DNAH5: variants seen among roughly 807,000 people sequenced by gnomAD.
The protein encoded by DNAH5 is axonemal beta dynein heavy chain 5.
A neutral mutation model predicts 518.2 loss-of-function variants in DNAH5; 372 were observed. The ratio of observed to expected loss-of-function variants is 0.72; its 90% CI spans 0.66 to 0.78. DNAH5 has a LOEUF of 0.78. DNAH5 is among the 30% of genes least tolerant of loss of function. The pLI is 0.00. For synonymous variants in DNAH5, 2,039 were observed against 2,025.9 expected, an observed-to-expected ratio of 1.01 and a Z score of -0.17; for missense variants, 5,523 against 5,687.0, an observed-to-expected ratio of 0.97 and a Z score of 0.93.
At chr5:14,005,020 A>C (rs972851897) in intron 1 of DNAH5, among the ~76,000 whole-genome samples, 2 of 152,012 alleles carry the variant, frequency 1.3e-5, no homozygotes, top group African/African-American at 4.8e-5. Context: ...ATAAGTCCCA[A>C]AACTCAGCAC....
intron 41 of DNAH5, 83 bp from the exon 42 acceptor site, chr5:13,817,777 A>C (rs1404046875): frequency 1.5e-6 from 2 of 1,343,736 alleles, no homozygotes; most frequent in African/African-American, 2.9e-5. Flanking sequence ...TTTGTGGTGT[A>C]CTGTCAGCAG....
intron 12 of DNAH5, among the ~76,000 whole-genome samples, chr5:13,907,935 A>T (rs1360618291): frequency 1.3e-5 from 2 of 152,218 alleles, no homozygotes; most frequent in African/African-American, 4.8e-5. Flanking sequence ...GATATGCGAT[A>T]AGAATTAGTA....
At position 13,722,358 on chromosome 5, in the gene DNAH5, C is replaced by G. The variant is rs906458717; in HGVS notation, c.12034-1113G>C. On this transcript the variant is annotated intron_variant, in intron 70 of 78. Transcript: ENST00000265104. ...CGATATCTTGCTATCCCCTATTCATCCTCAAAATGTACCCCAAGCATCTGA... is the reference window on the plus strand; with the variant it reads ...CGATATCTTGCTATCCCCTATTCATGCTCAAAATGTACCCCAAGCATCTGA... Among the ~76,000 whole-genome samples, 3 of 152,356 alleles carry G rather than the reference C, an allele frequency of 2.0e-5. No homozygotes were observed. The East Asian group carries it at 5.8e-4, about 29-fold the overall frequency.
In DNAH5 at chr5:13,752,132, A is replaced by C. The variant is rs773447251; in HGVS notation, c.11028+2T>G. Reference sequence around the variant, plus strand: ...ACATTGTCATCCATAGGTTTAACCTACCTTAAAGGTAGACCCAGTTTTAAT... The same window carrying C: ...ACATTGTCATCCATAGGTTTAACCTCCCTTAAAGGTAGACCCAGTTTTAAT... On this transcript the variant is annotated splice_donor_variant, in intron 64 of 78. Transcript: ENST00000265104. LOFTEE classifies it high-confidence loss of function. 1 of 1,613,860 alleles carries C rather than the reference A, an allele frequency of 6.2e-7. No individual in the cohort carries two copies. The highest frequency in any genetic ancestry group is 1.1e-5 in the South Asian group (1 of 91,076).
chr5:13,871,602 G>C lies in DNAH5; in HGVS notation c.3560C>G (p.Pro1187Arg), dbSNP rs1415125422. 11 of 1,613,620 alleles carry C rather than the reference G, an allele frequency of 6.8e-6. No individual in the cohort carries two copies. Among genetic ancestry groups the C allele is most frequent in the Middle Eastern group, 3.3e-4 (2 of 6,060 alleles). The stretch of plus-strand genomic sequence containing the variant: ...AATGGAACCCACACAGACATATTCA[G>C]GCTCAGCATTAATTTCCTGCTCTAG... ...QNLEQEINAE[P>R]EYVCVGSIAL... is the part of the protein sequence containing the mutation. The change falls in exon 23 of 79, where the codon CCT (proline) becomes CGT (arginine). Residue 1187 changes from proline (P) to arginine (R), a missense_variant. By Grantham distance (103) the Pro-to-Arg change is moderately radical. Around this residue, in one of 3 missense-constraint regions of DNAH5, gnomAD observed 5,121 missense variants for 5,223.3 expected, o/e 0.98. Coordinates refer to ENST00000265104, the MANE Select transcript of DNAH5 (RefSeq NM_001369.3).
rs761817115 is a variant in DNAH5 at position 13,776,696 on chromosome 5, A to G, written c.9116T>C (p.Leu3039Pro). The change falls in exon 55 of 79, where the codon CTA becomes CCA. Residue 3039 changes from leucine to proline, a missense_variant. Leu to Pro is a moderately conservative substitution (Grantham distance 98, BLOSUM62 -3). Coordinates refer to ENST00000265104, the MANE Select transcript of DNAH5 (RefSeq NM_001369.3). ...NVLSSGEVSN[L>P]FARDEIDEIN... is the part of the protein sequence containing the mutation. ...TTCATCAATTTCATCTCGAGCAAAT[A>G]GGTTAGAGACCTTAAAAAGAAGTAC... The G allele has an allele frequency of 1.9e-6, 3 of 1,613,678 alleles. No homozygotes were observed. Among genetic ancestry groups the G allele is most frequent in the Non-Finnish European group, 2.5e-6 (3 of 1,179,760 alleles).
At chr5:13,761,346 C>A (rs1034848815) in intron 60 of DNAH5, among the ~76,000 whole-genome samples, 2 of 152,192 alleles carry the variant, frequency 1.3e-5, no homozygotes, top group African/African-American at 2.4e-5. Flanking sequence ...GTAATCACAG[C>A]ACTTTGGGAG....
In DNAH5 at chr5:13,780,826, C is replaced by A; in HGVS notation, c.8951+3G>T. 1 of 1,613,438 alleles carries A rather than the reference C, an allele frequency of 6.2e-7. No individual in the cohort carries two copies. Among genetic ancestry groups the A allele is most frequent in the South Asian group, 1.1e-5 (1 of 91,034 alleles). ...TAGGTTTGTTAAAGTAAAAGGTTGT[C>A]ACCTCGTCAGAGTGATCTGGAAGGA... On this transcript the variant is annotated splice_donor_region_variant and intron_variant, in intron 53 of 78. Coordinates refer to ENST00000265104, the MANE Select transcript of DNAH5 (RefSeq NM_001369.3).
chr5:13,944,643 A>G lies in DNAH5; in HGVS notation c.-205T>C. The G allele has an allele frequency of 1.7e-6, 1 of 598,248 alleles. No individual in the cohort carries two copies. The highest frequency in any genetic ancestry group is 2.9e-5 in the East Asian group (1 of 34,470). 37.1% of individuals were successfully genotyped at this position (598,248 alleles called of 1,614,324 possible). ...TATACCACTCAAGTTTTTCTCCTAG[A>G]GTGTCTGCCCTGGGCCTCTCCTCTC... On this transcript the variant is annotated 5_prime_UTR_variant, in exon 1 of 79. Coordinates refer to ENST00000265104, the MANE Select transcript of DNAH5 (RefSeq NM_001369.3).
chr5:13,835,198 T>A (rs1225685050), intron 35 of DNAH5, among the ~76,000 whole-genome samples: 1 of 151,452 alleles, frequency 6.6e-6, no homozygotes, highest in Admixed American at 6.6e-5. Context: ...GGCAGGAGAA[T>A]CACTTGAACC....
rs1224799818 is a variant in DNAH5 at position 13,727,577 on chromosome 5, T to C, written c.11963A>G (p.Asp3988Gly). ...PEEEPLPNAYDKSLDCFRRLL... is the reference protein window; with the variant it reads ...PEEEPLPNAYGKSLDCFRRLL... ...ACGTCTGAAGCAGTCAAGAGATTTA[T>C]CATAGGCATTTGGAAGAGGTTCCTC... The change falls in exon 70 of 79, where the codon GAT becomes GGT. Residue 3988 changes from aspartate (D) to glycine (G), a missense_variant. Asp to Gly is a moderately conservative substitution (Grantham distance 94, BLOSUM62 -1). Transcript: ENST00000265104. 4.3e-6 allele frequency: 7 copies of C among 1,613,846 alleles called. No homozygotes were observed. The highest frequency in any genetic ancestry group is 5.1e-6 in the Non-Finnish European group (6 of 1,179,864).
In DNAH5 at chr5:13,830,120, A is replaced by G; in HGVS notation, c.6155T>C (p.Ile2052Thr). 1 of 1,614,078 alleles carries G rather than the reference A, an allele frequency of 6.2e-7. No homozygotes were observed. Among genetic ancestry groups the G allele is most frequent in the Non-Finnish European group, 8.5e-7 (1 of 1,179,902 alleles). The change falls in exon 37 of 79, where the codon ATT becomes ACT. Residue 2052 changes from isoleucine to threonine, a missense_variant. Physicochemically the swap from Ile to Thr is moderately conservative, Grantham distance 89. Coordinates refer to ENST00000265104, the MANE Select transcript of DNAH5 (RefSeq NM_001369.3). Reference sequence around the variant, plus strand: ...TTTGTGCTCCTTTTTACATGTCAGAATAATGGAAATTTGCTGGGCTGCAAC... The same window carrying G: ...TTTGTGCTCCTTTTTACATGTCAGAGTAATGGAAATTTGCTGGGCTGCAAC... ...LSVAAQQISI[I>T]LTCKKEHKKS...
intron 65 of DNAH5, among the ~76,000 whole-genome samples, chr5:13,748,310 G>A (rs1422995014): frequency 9.9e-5 from 15 of 152,140 alleles, no homozygotes; most frequent in Non-Finnish European, 5.9e-5. Flanking sequence ...GTCAGGTAGC[G>A]TGATGCCTCC....
chr5:13,758,602 C>T (rs550975789), intron 61 of DNAH5, among the ~76,000 whole-genome samples: 1 of 152,106 alleles, frequency 6.6e-6, no homozygotes, highest in Non-Finnish European at 1.5e-5. Context: ...AACAAAAATG[C>T]TAGTACACAA....
rs574355717 is a variant in DNAH5, at chr5:13,809,164, C to T, written c.7632G>A (p.Thr2544=). 34 of 1,614,104 alleles carry T rather than the reference C, an allele frequency of 2.1e-5. No homozygotes were observed. Among genetic ancestry groups the T allele is most frequent in the Non-Finnish European group, 2.5e-5 (30 of 1,180,018 alleles). Residue 2544 remains threonine, a synonymous_variant, in exon 46 of 79, where the codon ACG becomes ACA. Transcript: ENST00000265104. ...ACGGATACAGGTATTCCTGGGTACG[C>T]GTGTTCCAGTGCGTCCATGTACCTA... ...APDGTWTHWN[T]RTQEYLYPSD... is the part of the protein sequence containing the mutation.
At chr5:13,866,397 T>G in intron 25 of DNAH5, 115 bp from the exon 26 acceptor site, 5 of 874,642 alleles carry the variant, frequency 5.7e-6, no homozygotes, top group Non-Finnish European at 7.0e-6. Flanking sequence ...GAAACTTCAT[T>G]TTTATTTGTT....
intron 76 of DNAH5, among the ~76,000 whole-genome samples, chr5:13,706,917 C>G (rs1742861307): frequency 6.6e-6 from 1 of 152,176 alleles, no homozygotes; most frequent in South Asian, 2.1e-4. Context: ...CTGGCGAAGG[C>G]TCCACCCTCA....
At chr5:13,897,152 A>C (rs1774012406) in intron 15 of DNAH5, among the ~76,000 whole-genome samples, 1 of 152,228 alleles carries the variant, frequency 6.6e-6, no homozygotes, top group Non-Finnish European at 1.5e-5. Context: ...GATGGACCTC[A>C]TAATCCTTTC....
intron 1 of DNAH5, among the ~76,000 whole-genome samples, chr5:14,005,203 A>G (rs906719618): frequency 5.3e-5 from 8 of 151,920 alleles, no homozygotes; most frequent in African/African-American, 1.9e-4. Flanking sequence ...CTTCCATTTC[A>G]TCATCTAACC....
Sources: gnomAD v4.1 joint callset for allele counts (sites outside exome capture counted in the v4.1 genomes callset) on GRCh38, gnomAD v4.1.1 for gene constraint, gnomAD v4.1.1 regional missense constraint, MANE v1.5 for transcripts, NCBI Gene and HGNC (gene_info 2026-07-23, HGNC 2026-07-21) for gene names.